The following SLC9A7 variants were observed in gnomAD, a reference collection of about 807,000 sequenced individuals.
SLC9A7 encodes sodium/hydrogen exchanger 7.
In SLC9A7, 19 loss-of-function variants were observed where a neutral mutation model predicts 52.6. The observed-to-expected ratio is 0.36, with a 90% CI of 0.25 to 0.53. The LOEUF (loss-of-function observed/expected upper bound fraction) is 0.53. Among genes scored for constraint, SLC9A7 ranks in the 20% least tolerant of loss-of-function variants. The pLI is 0.91. For missense variants in SLC9A7, 455 were observed against 597.9 expected (o/e 0.76, Z 2.49); for synonymous variants, 226 against 252.1 (o/e 0.90, Z 0.98).
At chrX:46,691,242 T>A (rs1944377138) in intron 1 of SLC9A7, among the ~76,000 whole-genome samples, 2 of 112,447 alleles carry the variant, frequency 1.8e-5, no homozygotes, top group Non-Finnish European at 3.7e-5. Context: ...TGAGCATGAA[T>A]AACAGAATTC....
At chrX:46,748,566 TAC>T (rs753550243) in intron 1 of SLC9A7, among the ~76,000 whole-genome samples, 35,088 of 92,270 alleles carry the variant, frequency 0.38, 6,815 homozygotes, top group Non-Finnish European at 0.53. Context: ...TGTGTGCGTG[TAC>T]ACACACACAC....
Position 46,677,679 on chromosome X carries a change from G to C in SLC9A7, c.603+1999C>G, listed in dbSNP as rs755226318. Among the ~76,000 whole-genome samples, 14 of 112,403 alleles carry C rather than the reference G, an allele frequency of 1.2e-4. No individual in the cohort carries two copies. In the East Asian group the frequency reaches 2.8e-3, roughly 22 times the overall value. ...AAATTGTTTAAAAATCATCTGAAAAGTGCAGAGTGGCTTTGATAGAAAACC... is the reference window on the plus strand; with the variant it reads ...AAATTGTTTAAAAATCATCTGAAAACTGCAGAGTGGCTTTGATAGAAAACC... On this transcript the variant is annotated intron_variant, in intron 3 of 16. Coordinates refer to ENST00000616978, the MANE Select transcript of SLC9A7 (RefSeq NM_001257291.2).
chrX:46,681,071 C>A (rs1944204152), intron 2 of SLC9A7, among the ~76,000 whole-genome samples: 1 of 112,430 alleles, frequency 8.9e-6, no homozygotes, highest in Non-Finnish European at 1.9e-5. Flanking sequence ...ATCAACCAAG[C>A]TATGTCAACA....
chrX:46,641,409 CAT>C (rs1225617903), intron 12 of SLC9A7, among the ~76,000 whole-genome samples: 1 of 112,035 alleles, frequency 8.9e-6, no homozygotes, highest in East Asian at 2.8e-4. Flanking sequence ...GAAAAACAAA[CAT>C]GATTTAATGA....
intron 1 of SLC9A7, among the ~76,000 whole-genome samples, chrX:46,691,596 T>C (rs1223822567): frequency 1.8e-5 from 2 of 112,296 alleles, no homozygotes; most frequent in African/African-American, 6.5e-5. Flanking sequence ...TGTCAAAAGC[T>C]GTACAAATGC....
chrX:46,709,798 G>A (rs1944661099), intron 1 of SLC9A7, among the ~76,000 whole-genome samples: 1 of 112,134 alleles, frequency 8.9e-6, no homozygotes, highest in Admixed American at 9.4e-5. Flanking sequence ...ATAGCAGTGG[G>A]GTTCTCAAGG....
chrX:46,690,933 C>G (rs1471118086), intron 1 of SLC9A7, among the ~76,000 whole-genome samples: 2 of 111,676 alleles, frequency 1.8e-5, no homozygotes, highest in Non-Finnish European at 3.8e-5. Flanking sequence ...TGGTTTATTT[C>G]TGGAGCTGGT....
At chrX:46,613,127 G>A (rs1013030719) in intron 16 of SLC9A7, among the ~76,000 whole-genome samples, 162 bp downstream of exon 16, 4 of 110,239 alleles carry the variant, frequency 3.6e-5, no homozygotes, top group Non-Finnish European at 7.6e-5. Flanking sequence ...CTGTTACTAT[G>A]CGAAATCTAT....
chrX:46,621,627 C>T (rs1347739425), intron 14 of SLC9A7, among the ~76,000 whole-genome samples: 1 of 111,275 alleles, frequency 9.0e-6, no homozygotes, highest in African/African-American at 3.3e-5. Flanking sequence ...GAAACGAGCT[C>T]GAACTAACAA....
At position 46,731,432 on chromosome X, in the gene SLC9A7, T is replaced by TATATAAAAAAAAAAAAAAAAA. The variant is rs748259550; in HGVS notation, c.325+27272_325+27273insTTTTTTTTTTTTTTTTTATAT. 6.5e-4 allele frequency among the ~76,000 whole-genome samples: 51 copies of TATATAAAAAAAAAAAAAAAAA among 78,214 alleles called. 2 individuals are homozygous for TATATAAAAAAAAAAAAAAAAA. Among genetic ancestry groups the TATATAAAAAAAAAAAAAAAAA allele is most frequent in the South Asian group, 1.2e-3 (2 of 1,712 alleles). 67.9% of individuals were successfully genotyped at this position (78,214 alleles called of 115,157 possible). ...CATAGCCATACTCCATATAAAAAAT[T>TATATAAAAAAAAAAAAAAAAA]AAAAAAAATTAAAATTAAAATTAGC... is the stretch of plus-strand genomic sequence containing the variant. On this transcript the variant is annotated intron_variant, in intron 1 of 16. Coordinates refer to ENST00000616978, the MANE Select transcript of SLC9A7 (RefSeq NM_001257291.2).
chrX:46,649,011 T>C (rs1452495533), intron 10 of SLC9A7, among the ~76,000 whole-genome samples: 10 of 111,803 alleles, frequency 8.9e-5, no homozygotes, highest in Admixed American at 4.8e-4. Flanking sequence ...TCCTGATTCA[T>C]AGAGATCATT....
chrX:46,649,070 ATATCTATCTATC>A (rs60152703), intron 10 of SLC9A7, among the ~76,000 whole-genome samples: 1 of 105,402 alleles, frequency 9.5e-6, no homozygotes, highest in African/African-American at 3.5e-5. Context: ...AATTCAACTG[ATATCTATCTATC>A]TATCTATCTA....
chrX:46,663,128 G>A (rs1305221734), intron 5 of SLC9A7, among the ~76,000 whole-genome samples: 1 of 111,931 alleles, frequency 8.9e-6, no homozygotes, highest in African/African-American at 3.2e-5. Context: ...GAGGTGAGGA[G>A]TTTGAGACCA....
At chrX:46,717,304 T>G in intron 1 of SLC9A7, among the ~76,000 whole-genome samples, 2 of 112,384 alleles carry the variant, frequency 1.8e-5, no homozygotes, top group Non-Finnish European at 3.8e-5. Context: ...TAAAGTGTTT[T>G]GAAGTTTTTA....
chrX:46,643,502 C>A, intron 11 of SLC9A7, 113 bp from the exon 12 acceptor site: 1 of 760,347 alleles, frequency 1.3e-6, no homozygotes. Context: ...GCTTCAGGGG[C>A]CAAGTTGTTT....
intron 14 of SLC9A7, among the ~76,000 whole-genome samples, chrX:46,622,732 A>C (rs915827871): frequency 3.6e-5 from 4 of 111,999 alleles, no homozygotes; most frequent in Non-Finnish European, 7.5e-5. Flanking sequence ...CCGGAAGTTA[A>C]AAGTTAAATT....
At chrX:46,739,033 C>T (rs913098658) in intron 1 of SLC9A7, among the ~76,000 whole-genome samples, 6 of 111,182 alleles carry the variant, frequency 5.4e-5, no homozygotes, top group African/African-American at 1.6e-4. Flanking sequence ...CCATATCTAC[C>T]GCCACTTCCT....
chrX:46,717,139 T>A (rs1944781340), intron 1 of SLC9A7, among the ~76,000 whole-genome samples: 1 of 112,336 alleles, frequency 8.9e-6, no homozygotes, highest in African/African-American at 3.2e-5. Flanking sequence ...GTGTTACATA[T>A]TCCTGGAAAA....
intron 3 of SLC9A7, among the ~76,000 whole-genome samples, chrX:46,674,914 C>T (rs1205354272): frequency 9.0e-6 from 1 of 111,521 alleles, no homozygotes; most frequent in Non-Finnish European, 1.9e-5. Context: ...CCTGATATCC[C>T]AATTCCTAGC....
Sources: allele counts gnomAD v4.1 joint callset (sites outside exome capture counted in the v4.1 genomes callset), GRCh38; gene constraint gnomAD v4.1.1; transcripts MANE v1.5; gene names NCBI Gene and HGNC (gene_info 2026-07-23, HGNC 2026-07-21).